Variants in MAP4K4 observed in about 807,000 individuals in gnomAD.
The protein encoded by MAP4K4 is mitogen-activated protein kinase kinase kinase kinase 4.
A neutral mutation model predicts 189.6 loss-of-function variants in MAP4K4; 38 were observed. The observed-to-expected ratio is 0.20, with a 90% CI of 0.15 to 0.26. The LOEUF (loss-of-function observed/expected upper bound fraction) is 0.26. MAP4K4 is among the 10% of genes least tolerant of loss of function. The pLI, the probability that MAP4K4 is intolerant of heterozygous loss-of-function variation, is 1.00. For missense variants in MAP4K4, 1,054 were observed against 1,726.9 expected (o/e 0.61, Z 6.91); for synonymous variants, 610 against 624.3 (o/e 0.98, Z 0.34).
At chr2:101,769,273 A>G (rs2080152983) in intron 2 of MAP4K4, among the ~76,000 whole-genome samples, 1 of 152,198 alleles carries the variant, frequency 6.6e-6, no homozygotes, top group South Asian at 2.1e-4. Flanking sequence ...GCTCGTTTTC[A>G]TGAATATTTA....
chr2:101,893,493 G>C (rs1466668627), exon 33 of MAP4K4: 1 of 331,258 alleles, frequency 3.0e-6, no homozygotes, highest in Non-Finnish European at 6.0e-6. Flanking sequence ...CCATGTTTAG[G>C]CTTTTCATAA....
chr2:101,867,203 AC>A lies in MAP4K4; in HGVS notation c.2357-6del. 1 of 1,576,034 alleles carries A rather than the reference AC, an allele frequency of 6.3e-7. No homozygotes were observed. ...TGTCTGTCCATCTTGTCCCTTTTGAACCCAACAGCATCATCCAAGTCTGAAG... is the reference window on the plus strand; with the variant it reads ...TGTCTGTCCATCTTGTCCCTTTTGAACCAACAGCATCATCCAAGTCTGAAG... On this transcript the variant is annotated splice_polypyrimidine_tract_variant and splice_region_variant and intron_variant, in intron 19 of 32. Transcript: ENST00000324219.
intron 2 of MAP4K4, among the ~76,000 whole-genome samples, chr2:101,712,747 C>T (rs571789456): frequency 8.6e-5 from 13 of 152,028 alleles, no homozygotes; most frequent in African/African-American, 2.7e-4. Flanking sequence ...ACACCCATCT[C>T]GGCCTCTCCA....
exon 2 of MAP4K4, chr2:101,698,534 A>G (rs2035943716): frequency 4.3e-6 from 7 of 1,613,520 alleles, no homozygotes; most frequent in Non-Finnish European, 5.9e-6. Context: ...GGACAAGTCT[A>G]TAAGGTCGGT....
At chr2:101,744,187 A>G (rs1020989870) in intron 2 of MAP4K4, among the ~76,000 whole-genome samples, 2 of 152,210 alleles carry the variant, frequency 1.3e-5, no homozygotes, top group Non-Finnish European at 2.9e-5. Context: ...CCACAGAGAG[A>G]CTTTTCCAGT....
At chr2:101,824,128 G>T in intron 4 of MAP4K4, 75 bp downstream of exon 4, 1 of 718,216 alleles carries the variant, frequency 1.4e-6, no homozygotes. Flanking sequence ...GGGTGGGGGC[G>T]GGGGAAAGAG....
At chr2:101,741,661 A>C (rs1458244819) in intron 2 of MAP4K4, among the ~76,000 whole-genome samples, 1 of 152,092 alleles carries the variant, frequency 6.6e-6, no homozygotes, top group Non-Finnish European at 1.5e-5. Context: ...AGTTATTTGA[A>C]GTTTTCAATT....
Position 101,810,751 on chromosome 2 carries a change from T to C in MAP4K4, c.181-13177T>C, listed in dbSNP as rs2095369783. Reference sequence around the variant, plus strand: ...AAAAGTTCTAAGACTTACAGAACTTTAAGTTTTAAATTCATTATTTTCCCC... The same window carrying C: ...AAAAGTTCTAAGACTTACAGAACTTCAAGTTTTAAATTCATTATTTTCCCC... On this transcript the variant is annotated intron_variant, in intron 3 of 32. Coordinates refer to ENST00000324219, the Ensembl canonical transcript of MAP4K4. Among the ~76,000 whole-genome samples the C allele has an allele frequency of 2.0e-5, 3 of 152,366 alleles. No individual in the cohort carries two copies. In the South Asian group the frequency reaches 6.2e-4, roughly 32 times the overall value.
At chr2:101,879,409 A>T (rs1041005069) in intron 27 of MAP4K4, among the ~76,000 whole-genome samples, 1 of 151,960 alleles carries the variant, frequency 6.6e-6, no homozygotes, top group Non-Finnish European at 1.5e-5. Flanking sequence ...CATCTCAGAG[A>T]TAACTCTTGT....
chr2:101,813,838 G>C (rs2095570117), intron 3 of MAP4K4, among the ~76,000 whole-genome samples: 1 of 152,208 alleles, frequency 6.6e-6, no homozygotes, highest in Admixed American at 6.5e-5. Context: ...GTATAATGCA[G>C]ATGGTAGCCC....
chr2:101,789,523 C>G (rs971279043), intron 2 of MAP4K4, among the ~76,000 whole-genome samples: 3 of 152,260 alleles, frequency 2.0e-5, no homozygotes, highest in African/African-American at 7.2e-5. Flanking sequence ...TACTCAGTGT[C>G]ATAGTTGTAA....
intron 6 of MAP4K4, among the ~76,000 whole-genome samples, chr2:101,830,128 A>G (rs970806640): frequency 7.3e-5 from 11 of 151,192 alleles, no homozygotes; most frequent in African/African-American, 2.4e-5. Flanking sequence ...GCCTTTTCCA[A>G]CCTCTAATCT....
intron 12 of MAP4K4, among the ~76,000 whole-genome samples, chr2:101,851,724 CTTTTTTTTTTTTTTTT>C (rs36217584): frequency 0.16 from 11,134 of 68,672 alleles, 1,528 homozygotes; most frequent in African/African-American, 0.36. Context: ...TAACTGTCCT[CTTTTTTTTTTTTTTTT>C]TTTTTTTTTT....
chr2:101,883,968 C>A (rs2098445850), intron 28 of MAP4K4, among the ~76,000 whole-genome samples: 1 of 152,100 alleles, frequency 6.6e-6, no homozygotes, highest in Non-Finnish European at 1.5e-5. Context: ...TAACTAAAAT[C>A]ATCTAAGGCT....
intron 2 of MAP4K4, among the ~76,000 whole-genome samples, chr2:101,723,011 C>T (rs140901634): frequency 0.027 from 4,086 of 152,272 alleles, 79 homozygotes; most frequent in Non-Finnish European, 0.039. Context: ...AACTTAAAAT[C>T]ATGGCGGAAG....
At chr2:101,810,995 G>A (rs920881255) in intron 3 of MAP4K4, among the ~76,000 whole-genome samples, 6 of 152,192 alleles carry the variant, frequency 3.9e-5, no homozygotes, top group African/African-American at 1.4e-4. Flanking sequence ...TTTATACTGA[G>A]CCTGGCAGGA....
intron 2 of MAP4K4, among the ~76,000 whole-genome samples, chr2:101,715,001 A>G (rs914412799): frequency 1.3e-5 from 2 of 152,236 alleles, no homozygotes; most frequent in African/African-American, 4.8e-5. Context: ...GAACAAATGT[A>G]TGGGAACTCC....
chr2:101,794,864 T>C (rs2093500261), intron 3 of MAP4K4, among the ~76,000 whole-genome samples: 1 of 152,218 alleles, frequency 6.6e-6, no homozygotes, highest in Non-Finnish European at 1.5e-5. Context: ...TTTAGCCAGA[T>C]TGTTTTGTAA....
chr2:101,710,472 C>A, intron 2 of MAP4K4, among the ~76,000 whole-genome samples: 1 of 152,088 alleles, frequency 6.6e-6, no homozygotes, highest in East Asian at 1.9e-4. Flanking sequence ...TCAAGATTTC[C>A]TTTATTTATT....
Sources: gnomAD v4.1 joint callset for allele counts (sites outside exome capture counted in the v4.1 genomes callset) on GRCh38, gnomAD v4.1.1 for gene constraint, MANE v1.5 for transcripts, NCBI Gene and HGNC (gene_info 2026-07-23, HGNC 2026-07-21) for gene names.